Variants in ARHGEF3 observed in about 807,000 individuals in gnomAD.
ARHGEF3 encodes the protein Rho guanine nucleotide exchange factor 3, also known as 59.8 kDA protein.
ARHGEF3 carries 28 observed loss-of-function variants against 63.2 expected under a neutral mutation model. The observed-to-expected ratio is 0.44, with a 90% CI of 0.33 to 0.61. The LOEUF (loss-of-function observed/expected upper bound fraction) is 0.61. ARHGEF3 is among the 20% of genes least tolerant of loss of function. ARHGEF3 has a pLI of 0.03. For synonymous variants in ARHGEF3, 266 were observed against 254.2 expected (o/e 1.05, Z -0.44); for missense variants, 533 against 659.3 (o/e 0.81, Z 2.10).
intron 2 of ARHGEF3, among the ~76,000 whole-genome samples, chr3:56,965,095 AT>A (rs1373301264): frequency 2.0e-5 from 3 of 152,002 alleles, no homozygotes; most frequent in Non-Finnish European, 2.9e-5. Context: ...TACAAAAAAA[AT>A]TTTTTTTAAT....
At chr3:57,025,052 C>T (rs1481517185) in intron 2 of ARHGEF3, among the ~76,000 whole-genome samples, 5 of 152,126 alleles carry the variant, frequency 3.3e-5, no homozygotes, top group Admixed American at 6.6e-5. Context: ...TAAATGGCAC[C>T]GCAAAGACAC....
At chr3:56,951,258 C>T (rs1349068140) in intron 3 of ARHGEF3, among the ~76,000 whole-genome samples, 4 of 150,790 alleles carry the variant, frequency 2.7e-5, no homozygotes, top group South Asian at 2.1e-4. Flanking sequence ...TGCACATGTA[C>T]CCTAAAACTT....
At chr3:57,037,290 C>T (rs1449856491) in intron 1 of ARHGEF3, among the ~76,000 whole-genome samples, 2 of 152,142 alleles carry the variant, frequency 1.3e-5, no homozygotes, top group Non-Finnish European at 2.9e-5. Flanking sequence ...GTAGCCCATA[C>T]CTGGGTCACT....
At chr3:56,799,150 G>T (rs2037513044) in intron 1 of ARHGEF3, among the ~76,000 whole-genome samples, 1 of 152,130 alleles carries the variant, frequency 6.6e-6, no homozygotes, top group South Asian at 2.1e-4. Context: ...TTAAGAGAAT[G>T]CTTATTTTTG....
chr3:56,858,805 T>C (rs1418540248), intron 4 of ARHGEF3, among the ~76,000 whole-genome samples: 1 of 151,750 alleles, frequency 6.6e-6, no homozygotes, highest in Non-Finnish European at 1.5e-5. Flanking sequence ...ATGGAGAGGG[T>C]GGAGGGAAAT....
chr3:57,066,543 G>A (rs1052460382), intron 1 of ARHGEF3, among the ~76,000 whole-genome samples: 3 of 152,350 alleles, frequency 2.0e-5, no homozygotes, highest in South Asian at 4.1e-4. Flanking sequence ...GACTATTGGC[G>A]TGAGCCACCG....
intron 4 of ARHGEF3, among the ~76,000 whole-genome samples, chr3:56,808,890 T>C (rs2037963976): frequency 6.6e-6 from 1 of 152,164 alleles, no homozygotes; most frequent in African/African-American, 2.4e-5. Flanking sequence ...ACAGAACAGC[T>C]TCCCATAACA....
At chr3:56,754,469 C>T (rs2034946357) in intron 3 of ARHGEF3, among the ~76,000 whole-genome samples, 1 of 152,214 alleles carries the variant, frequency 6.6e-6, no homozygotes, top group South Asian at 2.1e-4. Context: ...AGGATCTCAT[C>T]AGATGATGCA....
intron 2 of ARHGEF3, among the ~76,000 whole-genome samples, chr3:56,970,555 G>GC (rs1409496097): frequency 2.6e-5 from 4 of 152,138 alleles, no homozygotes; most frequent in African/African-American, 9.7e-5. Flanking sequence ...CTGGCTTTCT[G>GC]CATGTCCTCC....
At chr3:56,763,176 CATA>C (rs1017309136) in intron 2 of ARHGEF3, among the ~76,000 whole-genome samples, 2 of 152,052 alleles carry the variant, frequency 1.3e-5, no homozygotes, top group African/African-American at 4.8e-5. Flanking sequence ...CTAAAAGGTG[CATA>C]ATAATAAGTA....
intron 3 of ARHGEF3, among the ~76,000 whole-genome samples, chr3:56,894,574 G>A (rs1211759760): frequency 6.6e-6 from 1 of 152,094 alleles, no homozygotes; most frequent in Non-Finnish European, 1.5e-5. Context: ...AGGACTGCTT[G>A]AACCCAGGAG....
chr3:56,899,468 C>G (rs1028236938), intron 3 of ARHGEF3, among the ~76,000 whole-genome samples: 1 of 152,156 alleles, frequency 6.6e-6, no homozygotes, highest in African/African-American at 2.4e-5. Flanking sequence ...TACAAAGAGG[C>G]TCAGACAATA....
intron 2 of ARHGEF3, among the ~76,000 whole-genome samples, chr3:57,029,610 T>A (rs1579124889): frequency 6.6e-6 from 1 of 152,158 alleles, no homozygotes; most frequent in East Asian, 1.9e-4. Context: ...TCTGATGAGG[T>A]CTGCAAAAAG....
intron 6 of ARHGEF3, among the ~76,000 whole-genome samples, chr3:56,748,755 A>T (rs1029710390): frequency 3.3e-5 from 5 of 152,134 alleles, no homozygotes; most frequent in Non-Finnish European, 7.3e-5. Context: ...CTGACCCATT[A>T]GGGAGCGGGG....
Position 56,737,289 on chromosome 3 carries a change from A to G in ARHGEF3, c.937T>C (p.Tyr313His). 6.2e-7 allele frequency: 1 copy of G among 1,613,680 alleles called. No individual in the cohort carries two copies. The highest frequency in any genetic ancestry group is 8.5e-7 in the Non-Finnish European group (1 of 1,179,620). The stretch of plus-strand genomic sequence containing the variant: ...TCCAAGTAAAGAAGCCGCTCTTTAT[A>G]ATAGCGGCATTCAGATTCACCAGTC... Reference protein sequence around the residue: ...TKTGESECRYYKERLLYLEEG... With the variant: ...TKTGESECRYHKERLLYLEEG... The change falls in exon 8 of 10, where the codon TAT (tyrosine) becomes CAT (histidine). Residue 313 changes from tyrosine to histidine, a missense_variant. Physicochemically the swap from Tyr to His is moderately conservative, Grantham distance 83. Around this residue, in one of 4 missense-constraint regions of ARHGEF3, gnomAD observed 151 missense variants for 190.7 expected, o/e 0.79. Coordinates refer to ENST00000296315, the MANE Select transcript of ARHGEF3 (RefSeq NM_019555.3).
intron 7 of ARHGEF3, among the ~76,000 whole-genome samples, chr3:56,739,484 C>A (rs1213041940): frequency 6.6e-6 from 1 of 150,450 alleles, no homozygotes; most frequent in African/African-American, 2.4e-5. Flanking sequence ...CACTGCAACC[C>A]CTGCCTCTTG....
chr3:56,967,566 TAATA>T (rs1242878308), intron 2 of ARHGEF3, among the ~76,000 whole-genome samples: 1 of 90,254 alleles, frequency 1.1e-5, no homozygotes, highest in Non-Finnish European at 1.9e-5. Context: ...ATATAATATA[TAATA>T]TATATTATAC....
At chr3:56,751,815 A>G (rs2034768389) in intron 4 of ARHGEF3, among the ~76,000 whole-genome samples, 1 of 152,214 alleles carries the variant, frequency 6.6e-6, no homozygotes, top group African/African-American at 2.4e-5. Context: ...GAGGAAAGAA[A>G]CAGTGATTGG....
chr3:56,975,332 C>T (rs908786081), intron 2 of ARHGEF3, among the ~76,000 whole-genome samples: 3 of 151,936 alleles, frequency 2.0e-5, no homozygotes, highest in South Asian at 2.1e-4. Context: ...GCAGGGGAAT[C>T]GCTTGAACCC....
Sources: allele counts gnomAD v4.1 joint callset (sites outside exome capture counted in the v4.1 genomes callset), GRCh38; gene constraint gnomAD v4.1.1; regional missense constraint gnomAD v4.1.1; transcripts MANE v1.5; gene names NCBI Gene and HGNC (gene_info 2026-07-23, HGNC 2026-07-21).